SLC9A2: variants seen among roughly 807,000 people sequenced by gnomAD.
SLC9A2 encodes solute carrier family 9 member A2, also known as sodium/hydrogen exchanger 2.
A neutral mutation model predicts 71.7 loss-of-function variants in SLC9A2; 42 were observed. The observed-to-expected ratio is 0.59, with a 90% CI of 0.46 to 0.76. SLC9A2 has a LOEUF of 0.76. Among genes scored for constraint, SLC9A2 ranks in the 30% least tolerant of loss-of-function variants. The pLI is 0.00. For synonymous variants in SLC9A2, 396 were observed against 392.5 expected, an observed-to-expected ratio of 1.01 and a Z score of -0.10; for missense variants, 829 against 1,017.4, an observed-to-expected ratio of 0.81 and a Z score of 2.52.
chr2:102,675,624 G>GA (rs368621511), intron 3 of SLC9A2, among the ~76,000 whole-genome samples: 5 of 151,676 alleles, frequency 3.3e-5, no homozygotes, highest in East Asian at 1.9e-4. Flanking sequence ...ACTCAGACAG[G>GA]AAAAAAAATG....
chr2:102,682,759 T>A (rs1677478112), intron 3 of SLC9A2, among the ~76,000 whole-genome samples: 1 of 152,164 alleles, frequency 6.6e-6, no homozygotes, highest in South Asian at 2.1e-4. Context: ...AAACAGTTGT[T>A]GACCAATTAT....
chr2:102,660,756 AGGG>A (rs1335162394), intron 2 of SLC9A2, among the ~76,000 whole-genome samples: 1 of 152,190 alleles, frequency 6.6e-6, no homozygotes, highest in Non-Finnish European at 1.5e-5. Context: ...ATAGAAGAAT[AGGG>A]GTTAGTTTAA....
In SLC9A2 at chr2:102,670,021, T is replaced by A. The variant is rs199886286; in HGVS notation, c.1004+4671T>A. On this transcript the variant is annotated intron_variant, in intron 3 of 11. Coordinates refer to ENST00000233969, the MANE Select transcript of SLC9A2 (RefSeq NM_003048.6). ...GAGTAAGTGCCCAATATTTTTTTTA[T>A]TTTTTTATTTTTATTTTTTATTTTT... Among the ~76,000 whole-genome samples, 4 of 120,016 alleles carry A rather than the reference T, an allele frequency of 3.3e-5. No homozygotes were observed. The South Asian group carries it at 1.2e-3, about 36-fold the overall frequency. 78.7% of individuals were successfully genotyped at this position (120,016 alleles called of 152,430 possible).
At chr2:102,693,281 C>T (rs537362873) in intron 5 of SLC9A2, among the ~76,000 whole-genome samples, 1 of 152,202 alleles carries the variant, frequency 6.6e-6, no homozygotes, top group African/African-American at 2.4e-5. Flanking sequence ...GAAACTTTGT[C>T]ACTTCATTTT....
chr2:102,619,794 G>A lies in SLC9A2; in HGVS notation c.-55G>A. The A allele has an allele frequency of 7.0e-7, 1 of 1,433,976 alleles. No individual in the cohort carries two copies. Among genetic ancestry groups the A allele is most frequent in the Non-Finnish European group, 9.1e-7 (1 of 1,093,362 alleles). The allele number at this position is 1,433,976 out of a possible 1,614,324, so 88.8% of individuals were successfully genotyped here. A position where few individuals can be genotyped will look rare whatever the true frequency, so the allele number is the denominator to read the frequency against. ...GGGCTGAGCAGCCCGGGCGCGATGC[G>A]TTGAGCGCTCGGAGGGCCAACCGCC... On this transcript the variant is annotated 5_prime_UTR_variant, in exon 1 of 12. Coordinates refer to ENST00000233969, the MANE Select transcript of SLC9A2 (RefSeq NM_003048.6). This position sits in a 1 kb window ranked among gnomAD's most constrained non-coding sequence, Gnocchi z 4.3.
intron 1 of SLC9A2, among the ~76,000 whole-genome samples, chr2:102,647,553 C>A (rs1018869280): frequency 6.6e-6 from 1 of 152,020 alleles, no homozygotes; most frequent in Non-Finnish European, 1.5e-5. Flanking sequence ...TCAGTGAATC[C>A]AGAAACTGGT....
chr2:102,704,264 G>A (rs1018294196), intron 9 of SLC9A2, among the ~76,000 whole-genome samples: 11 of 152,204 alleles, frequency 7.2e-5, no homozygotes, highest in Middle Eastern at 3.4e-3. Flanking sequence ...AGTGAGTTAT[G>A]AGTGCCACTG....
chr2:102,669,204 A>G (rs900797728), intron 3 of SLC9A2, among the ~76,000 whole-genome samples: 1 of 152,192 alleles, frequency 6.6e-6, no homozygotes, highest in African/African-American at 2.4e-5. Context: ...TCTGTCTTAC[A>G]AAATATTTGG....
Position 102,667,531 on chromosome 2 carries a change from C to A in SLC9A2, c.1004+2181C>A, listed in dbSNP as rs1677164391. The stretch of plus-strand genomic sequence containing the variant: ...ATGGGATGGGAATCCTGGTGCATCC[C>A]CCATGTCGGTGATGGAAGGGTTGGA... On this transcript the variant is annotated intron_variant, in intron 3 of 11. Coordinates refer to ENST00000233969, the MANE Select transcript of SLC9A2 (RefSeq NM_003048.6). Among the ~76,000 whole-genome samples, 2 of 152,074 alleles carry A rather than the reference C, an allele frequency of 1.3e-5. 1 individual carries two copies. Among genetic ancestry groups the A allele is most frequent in the South Asian group, 4.1e-4 (2 of 4,824 alleles).
chr2:102,657,751 TCG>T lies in SLC9A2; in HGVS notation c.479_480del (p.Arg160ProfsTer4). 1 of 1,614,218 alleles carries T rather than the reference TCG, an allele frequency of 6.2e-7. No individual in the cohort carries two copies. Among genetic ancestry groups the T allele is most frequent in the Non-Finnish European group, 8.5e-7 (1 of 1,180,028 alleles). ...VLDAGYFMPT[R>X]PFFENIGTIF... ...TGGATGCCGGCTATTTCATGCCCAC[TCG>T]CCCATTCTTTGAGAACATTGGCACG... On this transcript the variant is annotated frameshift_variant, in exon 2 of 12. Transcript: ENST00000233969. LOFTEE classifies it high-confidence loss of function.
At chr2:102,665,602 G>A (rs539647442) in intron 3 of SLC9A2, among the ~76,000 whole-genome samples, 9 of 151,536 alleles carry the variant, frequency 5.9e-5, no homozygotes, top group Admixed American at 2.0e-4. Context: ...GTGAAACCCC[G>A]TCTCTACTAA....
intron 3 of SLC9A2, among the ~76,000 whole-genome samples, chr2:102,670,470 T>A (rs1677224816): frequency 6.6e-6 from 1 of 152,002 alleles, no homozygotes; most frequent in African/African-American, 2.4e-5. Flanking sequence ...TTCATTCTTA[T>A]GAATAAATAA....
chr2:102,655,945 G>A (rs576112675), intron 1 of SLC9A2, among the ~76,000 whole-genome samples: 1 of 152,280 alleles, frequency 6.6e-6, no homozygotes, highest in Admixed American at 6.5e-5. Flanking sequence ...CTGTTGTGAG[G>A]GCCTTCATCC....
intron 1 of SLC9A2, among the ~76,000 whole-genome samples, chr2:102,626,602 C>T (rs1275016459): frequency 6.6e-6 from 1 of 152,176 alleles, no homozygotes; most frequent in African/African-American, 2.4e-5. Flanking sequence ...AGCTTCTGCA[C>T]AGCAAAATGA....
chr2:102,679,522 C>CA (rs1298414963), intron 3 of SLC9A2, among the ~76,000 whole-genome samples: 1 of 152,002 alleles, frequency 6.6e-6, no homozygotes, highest in Non-Finnish European at 1.5e-5. Context: ...GCTGGGACTA[C>CA]AGGTGTCCGC....
chr2:102,661,146 G>A (rs1321346818), intron 2 of SLC9A2, among the ~76,000 whole-genome samples: 7 of 152,204 alleles, frequency 4.6e-5, no homozygotes, highest in South Asian at 4.1e-4. Context: ...GGTGTTTTCC[G>A]TTAGAATAAA....
chr2:102,684,713 C>T (rs116752592), intron 5 of SLC9A2, among the ~76,000 whole-genome samples: 92 of 152,302 alleles, frequency 6.0e-4, no homozygotes, highest in African/African-American at 2.1e-3. Context: ...CTCGCGGTGA[C>T]TCCCCTAAAT....
intron 3 of SLC9A2, among the ~76,000 whole-genome samples, chr2:102,666,635 A>G (rs1342265841): frequency 6.6e-6 from 1 of 152,238 alleles, no homozygotes; most frequent in Non-Finnish European, 1.5e-5. Context: ...AAGTAGGCTG[A>G]TGAATGATGG....
chr2:102,688,407 T>A (rs1361617765), intron 5 of SLC9A2, among the ~76,000 whole-genome samples: 1 of 152,056 alleles, frequency 6.6e-6, no homozygotes, highest in Non-Finnish European at 1.5e-5. Context: ...GCCTCACGAG[T>A]TGCCATGTTT....
Sources: allele counts gnomAD v4.1 joint callset (sites outside exome capture counted in the v4.1 genomes callset), GRCh38; gene constraint gnomAD v4.1.1; non-coding constraint Gnocchi (gnomAD v3.1); transcripts MANE v1.5; gene names NCBI Gene and HGNC (gene_info 2026-07-23, HGNC 2026-07-21).